Variants in SPC25 observed in about 807,000 individuals in gnomAD.
SPC25 encodes kinetochore protein Spc25.
SPC25 carries 22 observed loss-of-function variants against 29.6 expected under a neutral mutation model. The ratio of observed to expected loss-of-function variants is 0.74; its 90% CI spans 0.53 to 1.06. The LOEUF (loss-of-function observed/expected upper bound fraction) is 1.06. Among genes scored for constraint, SPC25 ranks in the 50% least tolerant of loss-of-function variants. The pLI, the probability that SPC25 is intolerant of heterozygous loss-of-function variation, is 0.00. For missense variants in SPC25, 230 were observed against 255.8 expected (o/e 0.90, Z 0.69); for synonymous variants, 91 against 90.4 (o/e 1.01, Z -0.04).
chr2:168,864,201 C>CAAGTAATCT (rs1255746402), intron 4 of SPC25, among the ~76,000 whole-genome samples: 25 of 151,384 alleles, frequency 1.7e-4, no homozygotes, highest in Non-Finnish European at 1.5e-4. Context: ...CTCTTGACCT[C>CAAGTAATCT]AAGTAATCTG....
At chr2:168,868,532 C>T (rs998961900), downstream of SPC25, among the ~76,000 whole-genome samples, 646 of 152,046 alleles carry the variant, frequency 4.2e-3, 2 homozygotes, top group African/African-American at 0.015. Flanking sequence ...ATATCACCAC[C>T]GATCCCACAG....
At chr2:168,884,025 T>C (rs573658339) in intron 3 of SPC25, among the ~76,000 whole-genome samples, 1 of 152,238 alleles carries the variant, frequency 6.6e-6, no homozygotes, top group South Asian at 2.1e-4. Flanking sequence ...TGCCTCGGCC[T>C]CCCAAATTGC....
rs549301377 is a variant in SPC25 at position 168,865,258 on chromosome 2, C to T, written n.419+8327G>A. The stretch of plus-strand genomic sequence containing the variant: ...TAACCCCTGGTGTCACAGAAACAGA[C>T]GGAGTCCAAGGTGGGTTCAGCTGCT... On this transcript the variant is annotated intron_variant and non_coding_transcript_variant, in intron 4 of 4. Coordinates refer to the SPC25 transcript ENST00000479309. The T allele has an allele frequency of 6.0e-5, 17 of 285,276 alleles. No homozygotes were observed. The South Asian group carries it at 6.5e-4, about 11-fold the overall frequency. 17.7% of individuals were successfully genotyped at this position (285,276 alleles called of 1,614,324 possible). A position where few individuals can be genotyped will look rare whatever the true frequency, so the allele number is the denominator to read the frequency against.
At chr2:168,882,473 C>T (rs1277439261) in intron 3 of SPC25, among the ~76,000 whole-genome samples, 2 of 152,128 alleles carry the variant, frequency 1.3e-5, no homozygotes, top group Non-Finnish European at 2.9e-5. Context: ...GGCGTGGTGG[C>T]GTGTGCCTGT....
intron 3 of SPC25, among the ~76,000 whole-genome samples, chr2:168,879,812 A>T (rs1690145917): frequency 6.6e-6 from 1 of 152,214 alleles, no homozygotes; most frequent in African/African-American, 2.4e-5. Flanking sequence ...CCCTTGATCC[A>T]TGGGCTGCAG....
intron 5 of SPC25, among the ~76,000 whole-genome samples, chr2:168,874,873 A>G (rs758795244): frequency 6.6e-6 from 1 of 152,114 alleles, no homozygotes; most frequent in Non-Finnish European, 1.5e-5. Context: ...CCCACGTGCT[A>G]TTGTTTCTTT....
chr2:168,889,661 G>T, intron 1 of SPC25, 128 bp from the exon 2 acceptor site: 1 of 961,226 alleles, frequency 1.0e-6, no homozygotes, highest in Non-Finnish European at 1.5e-6. Context: ...TTTAATTCTA[G>T]GTATTCAAGG....
intron 4 of SPC25, chr2:168,865,047 T>TTACC: frequency 6.7e-7 from 1 of 1,491,148 alleles, no homozygotes; most frequent in South Asian, 1.2e-5. Flanking sequence ...TAAAGTGCTC[T>TTACC]TACCTTTACA....
At chr2:168,862,896 A>G (rs1201172256) in intron 4 of SPC25, among the ~76,000 whole-genome samples, 3 of 152,228 alleles carry the variant, frequency 2.0e-5, no homozygotes, top group East Asian at 1.9e-4. Context: ...CCCAGAGCCA[A>G]TGGAAAATCA....
intron 4 of SPC25, chr2:168,862,027 T>G (rs1319369778): frequency 1.9e-6 from 3 of 1,614,172 alleles, no homozygotes; most frequent in Non-Finnish European, 8.5e-7. Context: ...CCAGGCAAGA[T>G]GATGAGTTGA....
At chr2:168,863,534 T>G (rs1412636764) in intron 4 of SPC25, 1 of 985,256 alleles carries the variant, frequency 1.0e-6, no homozygotes, top group East Asian at 1.1e-4. Flanking sequence ...TCTTGTCCAA[T>G]TCTCTATGGA....
chr2:168,877,520 A>C, intron 3 of SPC25, 136 bp from the exon 4 acceptor site: 1 of 1,037,370 alleles, frequency 9.6e-7, no homozygotes, highest in Non-Finnish European at 1.4e-6. Flanking sequence ...AATGATTCAA[A>C]ATTATAAAAG....
rs539474748 is a variant in SPC25 at position 168,889,431 on chromosome 2, G to A, written c.89C>T (p.Ala30Val). The change falls in exon 2 of 7, where the codon GCG becomes GTG. Residue 30 changes from alanine to valine, a missense_variant. Physicochemically the swap from Ala to Val is moderately conservative, Grantham distance 64. Coordinates refer to ENST00000282074, the MANE Select transcript of SPC25 (RefSeq NM_020675.4). ...ATCCTTGTAGGTATCTCTTAGTCCC[G>A]CCATCTGACAGGAGGTGTCCGTACT... ...FKSTDTSCQMAGLRDTYKDSI... is the reference protein window; with the variant it reads ...FKSTDTSCQMVGLRDTYKDSI... 7.4e-6 allele frequency: 12 copies of A among 1,613,926 alleles called. No homozygotes were observed. The highest frequency in any genetic ancestry group is 3.3e-4 in the Middle Eastern group (2 of 6,084).
At chr2:168,882,694 C>G (rs1036076597) in intron 3 of SPC25, among the ~76,000 whole-genome samples, 2 of 152,078 alleles carry the variant, frequency 1.3e-5, no homozygotes, top group African/African-American at 4.8e-5. Context: ...TTAAATTATC[C>G]TCCTCCAACA....
At chr2:168,877,655 T>A (rs1365012275) in intron 3 of SPC25, among the ~76,000 whole-genome samples, 1 of 152,138 alleles carries the variant, frequency 6.6e-6, no homozygotes, top group Non-Finnish European at 1.5e-5. Context: ...CAAAAGATCA[T>A]GACCCTTGCA....
chr2:168,873,407 T>C (rs892865693), intron 6 of SPC25, among the ~76,000 whole-genome samples, 178 bp downstream of exon 6: 2 of 152,168 alleles, frequency 1.3e-5, no homozygotes, highest in Non-Finnish European at 1.5e-5. Flanking sequence ...TTAGACAGTA[T>C]CTATAAATCA....
chr2:168,889,397 T>C lies in SPC25; in HGVS notation c.123A>G (p.Lys41=), dbSNP rs755449766. ...GTTAACACTAGGTACCTGCAAATGC[T>C]TTGATGGAATCCTTGTAGGTATCTC... ...GLRDTYKDSI[K]AFAEKLSVKL... Residue 41 remains lysine, a synonymous_variant, in exon 2 of 7, where the codon AAA becomes AAG. Transcript: ENST00000282074. 3.1e-6 allele frequency: 5 copies of C among 1,614,016 alleles called. No homozygotes were observed. The highest frequency in any genetic ancestry group is 1.7e-5 in the Admixed American group (1 of 60,002).
At chr2:168,871,927 TCTGA>T (rs1335288324) in intron 6 of SPC25, among the ~76,000 whole-genome samples, 2 of 151,478 alleles carry the variant, frequency 1.3e-5, no homozygotes, top group Non-Finnish European at 2.9e-5. Flanking sequence ...AACACTTTGG[TCTGA>T]CTGACTTTTC....
At chr2:168,880,365 TA>T (rs1432124784) in intron 3 of SPC25, among the ~76,000 whole-genome samples, 4 of 152,252 alleles carry the variant, frequency 2.6e-5, no homozygotes, top group African/African-American at 9.6e-5. Flanking sequence ...CTGCTTTCCT[TA>T]AACCTCAAGA....
Sources: gnomAD v4.1 joint callset for allele counts (sites outside exome capture counted in the v4.1 genomes callset) on GRCh38, gnomAD v4.1.1 for gene constraint, MANE v1.5 for transcripts, NCBI Gene and HGNC (gene_info 2026-07-23, HGNC 2026-07-21) for gene names.